CFAP70: variants seen among roughly 807,000 people sequenced by gnomAD.
CFAP70 encodes cilia- and flagella-associated protein 70.
A neutral mutation model predicts 137.6 loss-of-function variants in CFAP70; 81 were observed. The observed-to-expected ratio is 0.59, with a 90% CI of 0.49 to 0.71. CFAP70 has a LOEUF of 0.71. Among genes scored for constraint, CFAP70 ranks in the 30% least tolerant of loss-of-function variants. The probability of loss-of-function intolerance (pLI) is 0.00; values close to 1 mark genes in which losing one functional copy is unlikely to be tolerated. For missense variants in CFAP70, 976 were observed against 1,226.7 expected (o/e 0.80, Z 3.05); for synonymous variants, 382 against 423.6 (o/e 0.90, Z 1.20).
intron 25 of CFAP70, among the ~76,000 whole-genome samples, chr10:73,265,398 G>A (rs569484039): frequency 5.3e-5 from 8 of 151,500 alleles, no homozygotes; most frequent in African/African-American, 1.7e-4. Context: ...TACAAAAGGT[G>A]GTATAATCTT....
intron 14 of CFAP70, among the ~76,000 whole-genome samples, chr10:73,297,745 T>C (rs945010071): frequency 6.6e-6 from 1 of 152,214 alleles, no homozygotes; most frequent in Non-Finnish European, 1.5e-5. Flanking sequence ...CAGGACAGCT[T>C]CTCCTTTTTT....
At chr10:73,268,249 T>G (rs2045947913) in intron 25 of CFAP70, among the ~76,000 whole-genome samples, 1 of 152,256 alleles carries the variant, frequency 6.6e-6, no homozygotes, top group South Asian at 2.1e-4. Flanking sequence ...CATTGACTTA[T>G]TAATTAATTA....
chr10:73,259,959 C>T lies in CFAP70; in HGVS notation c.3028-3543G>A, dbSNP rs929494417. Among the ~76,000 whole-genome samples, 5 of 151,206 alleles carry T rather than the reference C, an allele frequency of 3.3e-5. No homozygotes were observed. The East Asian group carries it at 7.8e-4, about 24-fold the overall frequency. ...GTAGGATCATTTGAGCCTAGAAGGT[C>T]GAGGCAGCAAGTAAGCTGTGTTCCT... On this transcript the variant is annotated intron_variant, in intron 25 of 26. Transcript: ENST00000310715.
chr10:73,310,829 C>T (rs948747314), intron 11 of CFAP70, among the ~76,000 whole-genome samples: 1 of 152,178 alleles, frequency 6.6e-6, no homozygotes, highest in African/African-American at 2.4e-5. Context: ...TAACTTTTCT[C>T]ATCAATACCC....
intron 19 of CFAP70, among the ~76,000 whole-genome samples, chr10:73,285,928 C>G (rs1446835891): frequency 6.6e-6 from 1 of 151,966 alleles, no homozygotes; most frequent in African/African-American, 2.4e-5. Flanking sequence ...AGCCACCATT[C>G]CAGGCCTGAA....
intron 12 of CFAP70, among the ~76,000 whole-genome samples, chr10:73,304,861 A>G (rs1005518174): frequency 8.2e-6 from 1 of 122,302 alleles, no homozygotes; most frequent in Non-Finnish European, 1.7e-5. Flanking sequence ...AAAAAAAAAC[A>G]CACACACCAG....
intron 19 of CFAP70, 54 bp downstream of exon 20, chr10:73,291,172 A>C: frequency 6.5e-7 from 1 of 1,539,224 alleles, no homozygotes; most frequent in Non-Finnish European, 9.0e-7. Flanking sequence ...GAGCCACCAC[A>C]CCTGGCAGTA....
At chr10:73,344,497 C>T (rs892265223) in intron 5 of CFAP70, among the ~76,000 whole-genome samples, 13 of 152,270 alleles carry the variant, frequency 8.5e-5, no homozygotes, top group African/African-American at 2.9e-4. Flanking sequence ...GCTGAAAGTC[C>T]CATGTCCCAG....
chr10:73,290,036 C>A (rs1369047467), intron 19 of CFAP70, among the ~76,000 whole-genome samples: 1 of 118,158 alleles, frequency 8.5e-6, no homozygotes, highest in African/African-American at 3.6e-5. Context: ...CAGAGCAAGA[C>A]TCCATCTCAA....
At chr10:73,268,818 G>A (rs111509438) in intron 25 of CFAP70, among the ~76,000 whole-genome samples, 4 of 151,558 alleles carry the variant, frequency 2.6e-5, no homozygotes, top group East Asian at 3.9e-4. Flanking sequence ...CCCAACCCTC[G>A]AAAGTAGCTG....
At chr10:73,350,470 CAT>C (rs943711783) in intron 3 of CFAP70, among the ~76,000 whole-genome samples, 12 of 152,138 alleles carry the variant, frequency 7.9e-5, no homozygotes, top group African/African-American at 2.9e-4. Context: ...ATATTCCTTT[CAT>C]ATGTTTTGTA....
intron 19 of CFAP70, among the ~76,000 whole-genome samples, chr10:73,287,871 C>CTATT (rs2047861031): frequency 6.6e-6 from 1 of 151,648 alleles, no homozygotes; most frequent in African/African-American, 2.4e-5. Context: ...ATCTATCTAT[C>CTATT]TATCTATCTA....
At chr10:73,297,254 T>C in intron 14 of CFAP70, 81 bp from the exon 16 acceptor site, 15 of 1,404,270 alleles carry the variant, frequency 1.1e-5, no homozygotes, top group Non-Finnish European at 1.3e-5. Flanking sequence ...GGCTTTCTGG[T>C]CTAAAGCTGA....
At chr10:73,281,031 C>A (rs1202159476) in intron 19 of CFAP70, among the ~76,000 whole-genome samples, 1 of 152,138 alleles carries the variant, frequency 6.6e-6, no homozygotes, top group East Asian at 1.9e-4. Flanking sequence ...CCAATATAAG[C>A]ATTTACAGCT....
chr10:73,306,169 G>T (rs2049357548), intron 12 of CFAP70, among the ~76,000 whole-genome samples: 2 of 152,062 alleles, frequency 1.3e-5, no homozygotes, highest in Non-Finnish European at 2.9e-5. Flanking sequence ...ATGAAGAAAA[G>T]TGAACAGAAT....
At chr10:73,325,767 A>AT in intron 8 of CFAP70, among the ~76,000 whole-genome samples, 1 of 152,094 alleles carries the variant, frequency 6.6e-6, no homozygotes, top group Non-Finnish European at 1.5e-5. Context: ...TAAAGGGATC[A>AT]ATTCAACAAG....
At chr10:73,291,899 T>A in exon 17 of CFAP70, 4 of 1,614,180 alleles carry the variant, frequency 2.5e-6, no homozygotes, top group Non-Finnish European at 3.4e-6. Flanking sequence ...ATGACTCTGG[T>A]TGAGGGAAAG....
chr10:73,285,520 A>G (rs150728411), intron 19 of CFAP70, among the ~76,000 whole-genome samples: 107 of 152,312 alleles, frequency 7.0e-4, no homozygotes, highest in South Asian at 3.5e-3. Context: ...AACAAAATAT[A>G]TATTTTTAAA....
rs1564894139 is a variant in CFAP70, at chr10:73,353,541, A to T, written c.250+15T>A. 1 of 1,604,814 alleles carries T rather than the reference A, an allele frequency of 6.2e-7. No homozygotes were observed. The highest frequency in any genetic ancestry group is 1.3e-5 in the African/African-American group (1 of 74,620). On this transcript the variant is annotated intron_variant, in intron 3 of 26. Transcript: ENST00000310715. The stretch of plus-strand genomic sequence containing the variant: ...GGCAATCGGGACATTGATTTTTAGA[A>T]CCACAAGGACTTACAGAACACAGGT...
Sources: gnomAD v4.1 joint callset for allele counts (sites outside exome capture counted in the v4.1 genomes callset) on GRCh38, gnomAD v4.1.1 for gene constraint, MANE v1.5 for transcripts, NCBI Gene and HGNC (gene_info 2026-07-23, HGNC 2026-07-21) for gene names.